The following NCKAP5 variants were observed in gnomAD, a reference collection of about 807,000 sequenced individuals.
NCKAP5 encodes the protein NCK associated protein 5, also known as nck-associated protein 5.
NCKAP5 carries 92 observed loss-of-function variants against 167.0 expected under a neutral mutation model. The ratio of observed to expected loss-of-function variants is 0.55; its 90% confidence interval spans 0.47 to 0.66. The LOEUF (loss-of-function observed/expected upper bound fraction) is 0.66, where lower values mean the gene tolerates loss of function less well. NCKAP5 is among the 30% of genes least tolerant of loss of function. The probability of loss-of-function intolerance (pLI) is 0.00; values close to 1 mark genes in which losing one functional copy is unlikely to be tolerated. For synonymous variants in NCKAP5, 891 were observed against 877.4 expected (o/e 1.02, Z -0.27); for missense variants, 2,378 against 2,315.0 (o/e 1.03, Z -0.56).
At chr2:133,181,603 C>CAAAAAAAAAAAAAAAAAAAAA (rs34264277) in intron 5 of NCKAP5, among the ~76,000 whole-genome samples, 1 of 71,158 alleles carries the variant, frequency 1.4e-5, no homozygotes, top group Non-Finnish European at 2.6e-5. Flanking sequence ...CCCATCTCTA[C>CAAAAAAAAAAAAAAAAAAAAA]AAAAAAAAAA....
chr2:133,003,337 T>C (rs570742025), intron 6 of NCKAP5, among the ~76,000 whole-genome samples: 1 of 152,356 alleles, frequency 6.6e-6, no homozygotes, highest in Middle Eastern at 3.4e-3. Context: ...TTAATTGCAA[T>C]GCAAAGCTTC....
chr2:132,690,229 C>T (rs186639208), intron 19 of NCKAP5, among the ~76,000 whole-genome samples: 70 of 152,214 alleles, frequency 4.6e-4, no homozygotes, highest in Non-Finnish European at 5.9e-4. Context: ...CAAGGCTATG[C>T]GTGAGAGATA....
intron 6 of NCKAP5, among the ~76,000 whole-genome samples, chr2:133,115,753 A>G (rs1376895003): frequency 5.1e-5 from 7 of 138,224 alleles, no homozygotes; most frequent in African/African-American, 1.9e-4. Context: ...CTGGAGGTAA[A>G]TTGAAGTATA....
chr2:133,376,287 C>G (rs751370277), intron 3 of NCKAP5, among the ~76,000 whole-genome samples: 53 of 152,128 alleles, frequency 3.5e-4, no homozygotes, highest in Non-Finnish European at 6.2e-4. Context: ...TAAATGTTGA[C>G]TAACACCAGA....
chr2:133,444,397 T>C (rs979409578), intron 3 of NCKAP5, among the ~76,000 whole-genome samples: 1 of 125,290 alleles, frequency 8.0e-6, no homozygotes, highest in Non-Finnish European at 1.6e-5. Flanking sequence ...GATAGATAGA[T>C]AGATAGATAG....
Position 132,973,229 on chromosome 2 carries a change from G to A in NCKAP5, c.430-9360C>T, listed in dbSNP as rs190182388. Among the ~76,000 whole-genome samples, 9 of 152,308 alleles carry A rather than the reference G, an allele frequency of 5.9e-5. No homozygotes were observed. The East Asian group carries it at 1.5e-3, about 26-fold the overall frequency. On this transcript the variant is annotated intron_variant, in intron 7 of 19. Transcript: ENST00000409261. ...ATCCCAAATTATGGCAGAGGGGATA[G>A]GCAGTATATATCACACTCGGACACA...
At chr2:132,888,003 T>C (rs2148854587) in intron 8 of NCKAP5, among the ~76,000 whole-genome samples, 1 of 152,330 alleles carries the variant, frequency 6.6e-6, no homozygotes, top group African/African-American at 2.4e-5. Flanking sequence ...TAGCACTTTA[T>C]TATAATGCCT....
chr2:133,049,696 C>A (rs2079539151), intron 6 of NCKAP5, among the ~76,000 whole-genome samples: 2 of 152,128 alleles, frequency 1.3e-5, no homozygotes, highest in African/African-American at 4.8e-5. Context: ...TGTAACCCAG[C>A]CAAGAGATTC....
chr2:133,045,210 G>GA (rs922597776), intron 6 of NCKAP5, among the ~76,000 whole-genome samples: 1 of 151,976 alleles, frequency 6.6e-6, no homozygotes, highest in Admixed American at 6.6e-5. Context: ...GCACAGCACA[G>GA]AAAAAATGTG....
Position 132,963,707 on chromosome 2 carries a change from C to G in NCKAP5, c.579+13G>C, listed in dbSNP as rs1391568304. The G allele has an allele frequency of 6.2e-7, 1 of 1,609,792 alleles. No homozygotes were observed. The highest frequency in any genetic ancestry group is 8.5e-7 in the Non-Finnish European group (1 of 1,178,686). On this transcript the variant is annotated intron_variant, in intron 8 of 19. Transcript: ENST00000409261. Reference sequence around the variant, plus strand: ...TTTTTCTTGAAGAGTGTAAAAATTGCTTCATTTCTTACCTCTAGAGCTTTC... The same window carrying G: ...TTTTTCTTGAAGAGTGTAAAAATTGGTTCATTTCTTACCTCTAGAGCTTTC...
At chr2:133,567,399 T>A (rs1401351701) in intron 1 of NCKAP5, among the ~76,000 whole-genome samples, 9 of 151,762 alleles carry the variant, frequency 5.9e-5, no homozygotes, top group Non-Finnish European at 1.0e-4. Flanking sequence ...CTCTTCCTAT[T>A]TAAATCCCAG....
intron 5 of NCKAP5, among the ~76,000 whole-genome samples, chr2:133,143,447 C>T (rs1559186722): frequency 2.6e-5 from 4 of 152,118 alleles, no homozygotes; most frequent in Non-Finnish European, 5.9e-5. Flanking sequence ...AACACAACTG[C>T]TATAACACAG....
At chr2:132,966,189 TC>T (rs757486907) in intron 7 of NCKAP5, among the ~76,000 whole-genome samples, 2 of 152,138 alleles carry the variant, frequency 1.3e-5, no homozygotes, top group Non-Finnish European at 2.9e-5. Flanking sequence ...AACCTCCACC[TC>T]CCAGGTTCAA....
At chr2:133,628,884 G>A in the NCKAP5 span, among the ~76,000 whole-genome samples, 7 of 152,118 alleles carry the variant, frequency 4.6e-5, no homozygotes, top group Non-Finnish European at 1.0e-4. Context: ...CAAGCAATGG[G>A]GAAAGGACTC....
chr2:133,542,604 G>A (rs1686320384), intron 2 of NCKAP5, among the ~76,000 whole-genome samples: 1 of 152,110 alleles, frequency 6.6e-6, no homozygotes, highest in Non-Finnish European at 1.5e-5. Flanking sequence ...TTTCCTCCCT[G>A]CTCACATAAC....
chr2:133,138,114 C>T (rs2082862160), intron 5 of NCKAP5, among the ~76,000 whole-genome samples: 1 of 151,786 alleles, frequency 6.6e-6, no homozygotes, highest in Non-Finnish European at 1.5e-5. Context: ...ACTGATAGTG[C>T]TTGGTACTGT....
intron 9 of NCKAP5, among the ~76,000 whole-genome samples, chr2:132,871,595 C>A (rs13023929): frequency 6.6e-6 from 1 of 151,978 alleles, no homozygotes; most frequent in East Asian, 1.9e-4. Flanking sequence ...CTCTAACAGC[C>A]CACAGGAGGA....
the NCKAP5 span, among the ~76,000 whole-genome samples, chr2:133,613,133 T>C: frequency 1.3e-5 from 2 of 152,146 alleles, no homozygotes; most frequent in African/African-American, 2.4e-5. Flanking sequence ...CCAAGAATCA[T>C]ACCCAAAAAA....
At position 132,782,153 on chromosome 2, in the gene NCKAP5, T is replaced by C; in HGVS notation, c.4658A>G (p.Lys1553Arg). 6.2e-7 allele frequency: 1 copy of C among 1,609,306 alleles called. No individual in the cohort carries two copies. The highest frequency in any genetic ancestry group is 8.5e-7 in the Non-Finnish European group (1 of 1,178,850). ...GNRQLKSERK[K>R]EKKKPELQCE... ...CTGTAGTTCAGGCTTCTTTTTCTCTTTTTTTCTTTCTGATTTTAGTTGTCT... is the reference window on the plus strand; with the variant it reads ...CTGTAGTTCAGGCTTCTTTTTCTCTCTTTTTCTTTCTGATTTTAGTTGTCT... The change falls in exon 14 of 20, where the codon AAA becomes AGA. Residue 1553 changes from lysine to arginine, a missense_variant. Transcript: ENST00000409261.
Sources: gnomAD v4.1 joint callset for allele counts (sites outside exome capture counted in the v4.1 genomes callset) on GRCh38, gnomAD v4.1.1 for gene constraint, MANE v1.5 for transcripts, NCBI Gene and HGNC (gene_info 2026-07-23, HGNC 2026-07-21) for gene names.